The following ADGRL3 variants were observed in gnomAD, a reference collection of about 807,000 sequenced individuals.
The protein encoded by ADGRL3 is calcium-independent alpha-latrotoxin receptor 3.
In ADGRL3, 62 loss-of-function variants were observed where a neutral mutation model predicts 153.5. That is an observed-to-expected ratio of 0.40 (90% confidence interval 0.33 to 0.50). The LOEUF is 0.50. ADGRL3 is among the 20% of genes least tolerant of loss of function. The pLI is 0.47. For synonymous variants in ADGRL3, 710 were observed against 672.5 expected (o/e 1.06, Z -0.86); for missense variants, 1,641 against 1,859.4 (o/e 0.88, Z 2.16).
intron 2 of ADGRL3, among the ~76,000 whole-genome samples, chr4:61,444,094 A>C (rs2097555721): frequency 1.3e-5 from 2 of 152,192 alleles, no homozygotes; most frequent in Non-Finnish European, 2.9e-5. Context: ...CTTGTTCCCA[A>C]TATGCAAATC....
intron 15 of ADGRL3, among the ~76,000 whole-genome samples, chr4:61,939,269 T>C (rs1400886867): frequency 1.3e-5 from 2 of 152,172 alleles, no homozygotes; most frequent in African/African-American, 2.4e-5. Context: ...CACTAAAATA[T>C]ACATTTAGCT....
At chr4:61,766,057 G>A (rs530517110) in intron 8 of ADGRL3, among the ~76,000 whole-genome samples, 3 of 152,192 alleles carry the variant, frequency 2.0e-5, no homozygotes, top group East Asian at 1.9e-4. Context: ...TAAATCAAGC[G>A]TGATCAGGGT....
At chr4:61,374,430 C>T (rs1309040401) in intron 1 of ADGRL3, among the ~76,000 whole-genome samples, 1 of 151,672 alleles carries the variant, frequency 6.6e-6, no homozygotes. Context: ...TTTTTTTTCA[C>T]AAACATGTTT....
At chr4:61,932,219 A>G (rs538891777) in intron 13 of ADGRL3, among the ~76,000 whole-genome samples, 6 of 152,192 alleles carry the variant, frequency 3.9e-5, no homozygotes, top group African/African-American at 1.2e-4. Flanking sequence ...TTCAAATACT[A>G]TGTTGAATAG....
chr4:61,633,107 C>G (rs1440971343), intron 5 of ADGRL3, among the ~76,000 whole-genome samples: 1 of 151,918 alleles, frequency 6.6e-6, no homozygotes, highest in Non-Finnish European at 1.5e-5. Context: ...TAGAGAAAGT[C>G]AATTGCATTG....
rs1046402118 is a variant in ADGRL3, at chr4:61,369,871, G to T, written c.-239-13253G>T. On this transcript the variant is annotated intron_variant, in intron 1 of 26. Coordinates refer to ENST00000683033, the MANE Select transcript of ADGRL3 (RefSeq NM_001387552.1). Reference sequence around the variant, plus strand: ...ATCCATCTGGTCCTGGACTCTTTTTGGTTGGTAAGCTATTGATTATTGCCA... The same window carrying T: ...ATCCATCTGGTCCTGGACTCTTTTTTGTTGGTAAGCTATTGATTATTGCCA... Among the ~76,000 whole-genome samples, 3 of 152,058 alleles carry T rather than the reference G, an allele frequency of 2.0e-5. No homozygotes were observed. The South Asian group carries it at 6.2e-4, about 32-fold the overall frequency.
intron 21 of ADGRL3, among the ~76,000 whole-genome samples, chr4:62,021,111 T>A (rs909845547): frequency 6.6e-6 from 1 of 152,230 alleles, no homozygotes; most frequent in East Asian, 1.9e-4. Flanking sequence ...TACAGAATCG[T>A]GTATTTTTTC....
chr4:61,674,825 T>A (rs183789460), intron 5 of ADGRL3, among the ~76,000 whole-genome samples: 1 of 152,084 alleles, frequency 6.6e-6, no homozygotes, highest in Admixed American at 6.6e-5. Context: ...AAATAATTTC[T>A]TTGTAATACG....
At position 62,028,861 on chromosome 4, in the gene ADGRL3, G is replaced by A; in HGVS notation, c.3402G>A (p.Glu1134=). 4 of 1,605,434 alleles carry A rather than the reference G, an allele frequency of 2.5e-6. No individual in the cohort carries two copies. Among genetic ancestry groups the A allele is most frequent in the South Asian group, 2.2e-5 (2 of 89,862 alleles). ...ATGTCTATGCATTCTTTAGCTATGA[G>A]GATAACAGACCCTTCATCAAGTAAG... ...ESGCLDNINY[E]DNRPFIKSWV... The change falls in exon 22 of 27, where the codon GAG becomes GAA. Residue 1134 remains glutamate, a synonymous_variant. Coordinates refer to ENST00000683033, the MANE Select transcript of ADGRL3 (RefSeq NM_001387552.1).
chr4:61,818,747 C>A (rs907059211), intron 9 of ADGRL3, among the ~76,000 whole-genome samples: 1 of 152,046 alleles, frequency 6.6e-6, no homozygotes, highest in African/African-American at 2.4e-5. Context: ...ACTTCTTATT[C>A]GATTTAGGAG....
At chr4:61,333,777 T>A (rs779132805) in intron 1 of ADGRL3, among the ~76,000 whole-genome samples, 2 of 151,954 alleles carry the variant, frequency 1.3e-5, no homozygotes, top group Non-Finnish European at 2.9e-5. Context: ...TTAATTAATT[T>A]ATTAATGTAT....
chr4:61,424,693 G>C (rs1319059781), intron 2 of ADGRL3, among the ~76,000 whole-genome samples: 1 of 152,158 alleles, frequency 6.6e-6, no homozygotes, highest in Non-Finnish European at 1.5e-5. Context: ...ATCCAGTTTT[G>C]CAGCACCATC....
intron 5 of ADGRL3, among the ~76,000 whole-genome samples, chr4:61,603,033 A>G (rs956845524): frequency 6.6e-6 from 1 of 152,172 alleles, no homozygotes; most frequent in African/African-American, 2.4e-5. Context: ...CCATTCTATT[A>G]AAGTAAGATA....
chr4:61,776,269 C>T (rs937717010), intron 8 of ADGRL3, among the ~76,000 whole-genome samples: 1 of 152,120 alleles, frequency 6.6e-6, no homozygotes, highest in Non-Finnish European at 1.5e-5. Flanking sequence ...GGAAAGAGGC[C>T]TCACGCGCCG....
chr4:61,460,627 A>G (rs552407853), intron 2 of ADGRL3, among the ~76,000 whole-genome samples: 1 of 152,126 alleles, frequency 6.6e-6, no homozygotes, highest in Non-Finnish European at 1.5e-5. Context: ...ACTGGGTAAT[A>G]TATAAAGAAA....
intron 2 of ADGRL3, among the ~76,000 whole-genome samples, chr4:61,478,597 A>G (rs1344795123): frequency 6.6e-6 from 1 of 152,046 alleles, no homozygotes; most frequent in East Asian, 1.9e-4. Flanking sequence ...GTATTTTCAT[A>G]TCTGAATCTC....
intron 6 of ADGRL3, among the ~76,000 whole-genome samples, chr4:61,720,949 C>T (rs924102697): frequency 6.6e-6 from 1 of 152,162 alleles, no homozygotes; most frequent in African/African-American, 2.4e-5. Flanking sequence ...ACTGTCTCCT[C>T]ATCTGCATAA....
At chr4:61,544,645 A>G (rs2148690659) in intron 4 of ADGRL3, among the ~76,000 whole-genome samples, 1 of 152,314 alleles carries the variant, frequency 6.6e-6, no homozygotes, top group Admixed American at 6.5e-5. Context: ...TTTAGTTTTC[A>G]CATTTATAAT....
intron 1 of ADGRL3, among the ~76,000 whole-genome samples, chr4:61,227,269 G>T (rs1412504733): frequency 6.6e-6 from 1 of 151,938 alleles, no homozygotes; most frequent in Non-Finnish European, 1.5e-5. Context: ...GCAGAGATCT[G>T]ATCATGGCTC....
Sources: gnomAD v4.1 joint callset for allele counts (sites outside exome capture counted in the v4.1 genomes callset) on GRCh38, gnomAD v4.1.1 for gene constraint, MANE v1.5 for transcripts, NCBI Gene and HGNC (gene_info 2026-07-23, HGNC 2026-07-21) for gene names.